Variants in FUT8 observed in about 807,000 individuals in gnomAD.
FUT8 encodes alpha-(1,6)-fucosyltransferase.
A neutral mutation model predicts 71.3 loss-of-function variants in FUT8; 29 were observed. The ratio of observed to expected loss-of-function variants is 0.41; its 90% CI spans 0.30 to 0.55. The LOEUF (loss-of-function observed/expected upper bound fraction) is 0.55, where lower values mean the gene tolerates loss of function less well. Ranked by LOEUF, FUT8 falls within the 20% of genes least tolerant of loss-of-function variation. The pLI is 0.34. For synonymous variants in FUT8, 254 were observed against 239.3 expected, an observed-to-expected ratio of 1.06 and a Z score of -0.57; for missense variants, 544 against 702.1, an observed-to-expected ratio of 0.77 and a Z score of 2.55.
chr14:65,650,587 G>A (rs1422385392), intron 6 of FUT8, among the ~76,000 whole-genome samples: 3 of 151,256 alleles, frequency 2.0e-5, no homozygotes, highest in Non-Finnish European at 4.4e-5. Context: ...GTGAAAAACG[G>A]CCCTCATGAT....
chr14:65,636,131 G>A (rs929021753), intron 6 of FUT8, among the ~76,000 whole-genome samples: 1 of 152,086 alleles, frequency 6.6e-6, no homozygotes, highest in African/African-American at 2.4e-5. Context: ...GTGCATAAAG[G>A]TGCTCATAGT....
At chr14:65,405,416 G>C in the FUT8 span, among the ~76,000 whole-genome samples, 1 of 152,130 alleles carries the variant, frequency 6.6e-6, no homozygotes, top group Admixed American at 6.5e-5. Context: ...CATATAGTTA[G>C]TATCTTATAA....
At chr14:65,663,471 C>G (rs537095711) in intron 6 of FUT8, among the ~76,000 whole-genome samples, 50 of 151,804 alleles carry the variant, frequency 3.3e-4, no homozygotes, top group African/African-American at 1.2e-3. Flanking sequence ...TTTTCTGGAA[C>G]TTTTATGAGC....
chr14:65,433,466 T>A (rs529312879), intron 1 of FUT8, among the ~76,000 whole-genome samples: 1 of 152,338 alleles, frequency 6.6e-6, no homozygotes, highest in African/African-American at 2.4e-5. Context: ...TTACTGCAGT[T>A]GTGTGCTTTT....
intron 3 of FUT8, among the ~76,000 whole-genome samples, chr14:65,582,671 A>G (rs1403511789): frequency 1.3e-5 from 2 of 152,180 alleles, no homozygotes; most frequent in Admixed American, 1.3e-4. Context: ...TACTCTCCAC[A>G]GTTTGATAAC....
At position 65,492,534 on chromosome 14, in the gene FUT8, A is replaced by T. The variant is rs559997870; in HGVS notation, c.-228+36816A>T. ...CATCACTTTCCTTTTTCTGTCCTTA[A>T]ATCTTCCACCATGTGGCTGTGCTGG... On this transcript the variant is annotated intron_variant, in intron 2 of 10. Coordinates refer to ENST00000673929, the MANE Select transcript of FUT8 (RefSeq NM_001371533.1). Among the ~76,000 whole-genome samples, 14 of 152,140 alleles carry T rather than the reference A, an allele frequency of 9.2e-5. No homozygotes were observed. The South Asian group carries it at 2.7e-3, about 29-fold the overall frequency.
At chr14:65,370,487 C>T in the FUT8 span, among the ~76,000 whole-genome samples, 1 of 151,484 alleles carries the variant, frequency 6.6e-6, no homozygotes, top group Non-Finnish European at 1.5e-5. Flanking sequence ...GGATTACAGG[C>T]GTGAGCCATT....
At chr14:65,656,640 C>T (rs1020832922) in intron 6 of FUT8, among the ~76,000 whole-genome samples, 33 of 152,044 alleles carry the variant, frequency 2.2e-4, no homozygotes, top group African/African-American at 7.7e-4. Flanking sequence ...GAATCTAAAA[C>T]TTACATGGAA....
intron 1 of FUT8, among the ~76,000 whole-genome samples, chr14:65,443,146 C>T (rs1041151312): frequency 6.6e-6 from 1 of 151,740 alleles, no homozygotes; most frequent in African/African-American, 2.4e-5. Context: ...TGTGGTGGCT[C>T]ACGCCTGTAA....
chr14:65,500,958 GCTT>G (rs1486044446), intron 2 of FUT8, among the ~76,000 whole-genome samples: 1 of 152,146 alleles, frequency 6.6e-6, no homozygotes, highest in Non-Finnish European at 1.5e-5. Flanking sequence ...CCTCAACTGT[GCTT>G]CTTGTATCCA....
At chr14:65,509,684 A>C (rs1416714619) in intron 2 of FUT8, among the ~76,000 whole-genome samples, 2 of 152,076 alleles carry the variant, frequency 1.3e-5, no homozygotes, top group African/African-American at 4.8e-5. Flanking sequence ...TTTGGTGGCT[A>C]TTGTAAATGG....
At chr14:65,678,911 C>G (rs938997416) in intron 7 of FUT8, among the ~76,000 whole-genome samples, 1 of 152,136 alleles carries the variant, frequency 6.6e-6, no homozygotes, top group Non-Finnish European at 1.5e-5. Flanking sequence ...GCCAGACCAG[C>G]AGAGATTATG....
At chr14:65,717,037 G>T (rs1190386299) in intron 7 of FUT8, among the ~76,000 whole-genome samples, 14 of 148,720 alleles carry the variant, frequency 9.4e-5, no homozygotes, top group Non-Finnish European at 1.8e-4. Flanking sequence ...CCCAGACGGG[G>T]TGGCCGGGCA....
intron 7 of FUT8, among the ~76,000 whole-genome samples, chr14:65,707,308 G>T (rs1594921422): frequency 2.0e-5 from 3 of 152,094 alleles, no homozygotes; most frequent in Admixed American, 6.6e-5. Context: ...CTTCTTTTGA[G>T]AAATATCTGT....
At chr14:65,480,021 G>GTATCA (rs1394007064) in intron 2 of FUT8, among the ~76,000 whole-genome samples, 1 of 151,854 alleles carries the variant, frequency 6.6e-6, no homozygotes, top group Non-Finnish European at 1.5e-5. Flanking sequence ...ATTGGTTCTG[G>GTATCA]GTGGCATTGG....
chr14:65,541,500 A>G (rs1345945295), intron 2 of FUT8, among the ~76,000 whole-genome samples: 1 of 152,228 alleles, frequency 6.6e-6, no homozygotes, highest in Non-Finnish European at 1.5e-5. Context: ...TGAAGGCCCA[A>G]CAATTAGTAG....
In FUT8 at chr14:65,669,465, A is replaced by G; in HGVS notation, c.820A>G (p.Thr274Ala). Reference protein sequence around the residue: ...ETCTDRSGISTGHWSGEVKDK... With the variant: ...ETCTDRSGISAGHWSGEVKDK... ...ATGCACAGACAGATCTGGCATCTCC[A>G]CTGGACACTGGTCAGGTAAGGAGCT... Residue 274 changes from threonine to alanine, a missense_variant, in exon 7 of 11, where the codon ACT becomes GCT. Physicochemically the swap from Thr to Ala is moderately conservative, Grantham distance 58. Coordinates refer to ENST00000673929, the MANE Select transcript of FUT8 (RefSeq NM_001371533.1). The surrounding 1 kb of genome is among the most constrained non-coding windows in gnomAD (Gnocchi z 4.5). 1 of 1,611,878 alleles carries G rather than the reference A, an allele frequency of 6.2e-7. No individual in the cohort carries two copies. The highest frequency in any genetic ancestry group is 8.5e-7 in the Non-Finnish European group (1 of 1,178,126).
chr14:65,589,441 C>CTTTTT lies in FUT8; in HGVS notation c.204-26521_204-26517dup, dbSNP rs35606286. Among the ~76,000 whole-genome samples, 119 of 109,926 alleles carry CTTTTT rather than the reference C, an allele frequency of 1.1e-3. 3 individuals are homozygous for CTTTTT. Among genetic ancestry groups the CTTTTT allele is most frequent in the East Asian group, 4.5e-3 (16 of 3,532 alleles). The allele number at this position is 109,926 out of a possible 152,430, so 72.1% of individuals were successfully genotyped here. ...GCTTGTCAAGGGCCTTGCCTTAAAT[C>CTTTTT]TTTTTTTTTTTTTTTTTTTTGAGAT... is the stretch of plus-strand genomic sequence containing the variant. On this transcript the variant is annotated intron_variant, in intron 3 of 10. Coordinates refer to ENST00000673929, the MANE Select transcript of FUT8 (RefSeq NM_001371533.1).
At chr14:65,646,185 A>G (rs1891117368) in intron 6 of FUT8, 1 of 152,214 alleles carries the variant, frequency 6.6e-6, no homozygotes, top group African/African-American at 2.4e-5. Flanking sequence ...CCTTAAGCTT[A>G]CATTTCAGCA....
Sources: gnomAD v4.1 joint callset for allele counts (sites outside exome capture counted in the v4.1 genomes callset) on GRCh38, gnomAD v4.1.1 for gene constraint, Gnocchi (gnomAD v3.1) non-coding constraint, MANE v1.5 for transcripts, NCBI Gene and HGNC (gene_info 2026-07-23, HGNC 2026-07-21) for gene names.